Variants in PEPD observed in about 807,000 individuals in gnomAD.
PEPD encodes the protein xaa-Pro dipeptidase.
A neutral mutation model predicts 60.7 loss-of-function variants in PEPD; 53 were observed. The observed-to-expected ratio is 0.87, with a 90% CI of 0.70 to 1.10. The LOEUF is 1.10. PEPD is among the 50% of genes least tolerant of loss of function. PEPD has a pLI of 0.00. For synonymous variants in PEPD, 267 were observed against 284.1 expected (o/e 0.94, Z 0.60); for missense variants, 711 against 711.9 (o/e 1.00, Z 0.01).
At chr19:33,483,097 T>G (rs531781195) in intron 6 of PEPD, among the ~76,000 whole-genome samples, 2 of 152,168 alleles carry the variant, frequency 1.3e-5, no homozygotes, top group Non-Finnish European at 2.9e-5. Context: ...AAAATATCCA[T>G]GGCTCAAAGA....
At chr19:33,517,241 T>C (rs947189097) in intron 1 of PEPD, among the ~76,000 whole-genome samples, 13 of 152,016 alleles carry the variant, frequency 8.6e-5, no homozygotes, top group Non-Finnish European at 1.5e-4. Context: ...TTTTGTAATA[T>C]TATGTACTTA....
intron 11 of PEPD, among the ~76,000 whole-genome samples, chr19:33,405,787 T>G (rs1247275560): frequency 6.6e-6 from 1 of 152,242 alleles, no homozygotes; most frequent in Non-Finnish European, 1.5e-5. Context: ...TCCAGTGCGT[T>G]CCTGGGCATC....
chr19:33,428,419 T>G (rs1276010609), intron 9 of PEPD, among the ~76,000 whole-genome samples: 1 of 152,148 alleles, frequency 6.6e-6, no homozygotes, highest in Non-Finnish European at 1.5e-5. Context: ...CTCAACCACC[T>G]GCCAGTCTTT....
intron 5 of PEPD, among the ~76,000 whole-genome samples, chr19:33,490,907 C>T (rs12973161): frequency 6.6e-6 from 1 of 151,952 alleles, no homozygotes; most frequent in Admixed American, 6.5e-5. Flanking sequence ...AAGTGATCCG[C>T]GTACCTCGGC....
intron 9 of PEPD, among the ~76,000 whole-genome samples, chr19:33,426,692 G>A (rs1200358672): frequency 6.6e-6 from 1 of 152,262 alleles, no homozygotes; most frequent in African/African-American, 2.4e-5. Flanking sequence ...GCAGCAGGTG[G>A]CCTTGGCTAC....
intron 13 of PEPD, among the ~76,000 whole-genome samples, chr19:33,390,745 C>T (rs991067784): frequency 6.6e-6 from 1 of 152,078 alleles, no homozygotes; most frequent in African/African-American, 2.4e-5. Context: ...TGCCAACGGG[C>T]CCCAGAATGC....
At chr19:33,425,788 ACT>A (rs1969134242) in intron 9 of PEPD, among the ~76,000 whole-genome samples, 1 of 152,180 alleles carries the variant, frequency 6.6e-6, no homozygotes, top group Non-Finnish European at 1.5e-5. Context: ...GGAATGACTA[ACT>A]CTGGGAGATC....
chr19:33,413,660 G>T lies in PEPD; in HGVS notation c.672-17C>A. 1 of 1,545,758 alleles carries T rather than the reference G, an allele frequency of 6.5e-7. No individual in the cohort carries two copies. On this transcript the variant is annotated splice_polypyrimidine_tract_variant and intron_variant, in intron 9 of 14. Transcript: ENST00000244137. ...TCGAAGAGGCTGCAGGGGGAGAGACGCGTCAGGGTTGGGGCACTAGAGCAG... is the reference window on the plus strand; with the variant it reads ...TCGAAGAGGCTGCAGGGGGAGAGACTCGTCAGGGTTGGGGCACTAGAGCAG...
chr19:33,433,409 C>T (rs1428495973), intron 9 of PEPD, among the ~76,000 whole-genome samples: 1 of 152,252 alleles, frequency 6.6e-6, no homozygotes, highest in Non-Finnish European at 1.5e-5. Flanking sequence ...GATGCCCACT[C>T]TGTACCTCCA....
At chr19:33,434,931 G>C (rs1969346091) in intron 9 of PEPD, among the ~76,000 whole-genome samples, 1 of 152,100 alleles carries the variant, frequency 6.6e-6, no homozygotes, top group South Asian at 2.1e-4. Context: ...GGGGTGGAGG[G>C]GGCAGGTACA....
At chr19:33,426,453 C>T (rs1379774378) in intron 9 of PEPD, among the ~76,000 whole-genome samples, 4 of 152,260 alleles carry the variant, frequency 2.6e-5, no homozygotes, top group African/African-American at 9.6e-5. Flanking sequence ...CTTTCTAAAG[C>T]ACTGTCGCAC....
intron 7 of PEPD, 73 bp downstream of exon 7, chr19:33,477,973 A>T: frequency 1.0e-6 from 1 of 989,096 alleles, no homozygotes; most frequent in South Asian, 1.3e-5. Context: ...CGGTGTGGGC[A>T]GGAACAACAG....
chr19:33,408,473 A>G (rs1968690309), intron 11 of PEPD, among the ~76,000 whole-genome samples: 2 of 152,208 alleles, frequency 1.3e-5, no homozygotes, highest in South Asian at 4.1e-4. Context: ...GTGTGTATCC[A>G]TGTGTGTGCG....
rs140588737 is a variant in PEPD, at chr19:33,470,744, C to T, written c.549-6682G>A. ...CATTTCCAACAAGGAGAGCTGATGG[C>T]CTCATTTCAAAGAGAAAAGGAGGCC... On this transcript the variant is annotated intron_variant, in intron 7 of 14. Coordinates refer to ENST00000244137, the MANE Select transcript of PEPD (RefSeq NM_000285.4). Among the ~76,000 whole-genome samples the T allele has an allele frequency of 1.2e-3, 185 of 152,288 alleles. 1 individual carries two copies. The highest frequency in any genetic ancestry group is 4.0e-3 in the African/African-American group (165 of 41,560).
At chr19:33,490,817 C>T (rs559405110) in intron 5 of PEPD, among the ~76,000 whole-genome samples, 1 of 152,112 alleles carries the variant, frequency 6.6e-6, no homozygotes. Flanking sequence ...GTGCGCACCA[C>T]CATGCCCAGC....
intron 3 of PEPD, among the ~76,000 whole-genome samples, chr19:33,508,948 A>G (rs1267739221): frequency 6.6e-6 from 1 of 152,230 alleles, no homozygotes. Context: ...CCTCCAGAGC[A>G]GCATCACAGA....
intron 1 of PEPD, among the ~76,000 whole-genome samples, chr19:33,519,510 CTG>C (rs1448781766): frequency 2.0e-5 from 3 of 152,214 alleles, no homozygotes; most frequent in Non-Finnish European, 4.4e-5. Context: ...ATGATCTGTT[CTG>C]TGAGTGTGGC....
chr19:33,403,318 C>T lies in PEPD; in HGVS notation c.819-1449G>A, dbSNP rs371867227. 2.0e-5 allele frequency among the ~76,000 whole-genome samples: 3 copies of T among 152,192 alleles called. No homozygotes were observed. In the South Asian group the frequency reaches 6.2e-4, roughly 31 times the overall value. ...GCTGGTCTAGCCCTAGGACCAGAGC[C>T]CACCACGTCTGCAGGGTCCAGAACC... On this transcript the variant is annotated intron_variant, in intron 11 of 14. Transcript: ENST00000244137.
At chr19:33,517,092 G>C (rs1230445125) in intron 1 of PEPD, among the ~76,000 whole-genome samples, 2 of 152,030 alleles carry the variant, frequency 1.3e-5, no homozygotes, top group African/African-American at 2.4e-5. Flanking sequence ...AAGGCAGGAG[G>C]AACGCTTGAG....
Sources: gnomAD v4.1 joint callset for allele counts (sites outside exome capture counted in the v4.1 genomes callset) on GRCh38, gnomAD v4.1.1 for gene constraint, MANE v1.5 for transcripts, NCBI Gene and HGNC (gene_info 2026-07-23, HGNC 2026-07-21) for gene names.